The following ASXL2 variants were observed in gnomAD, a reference collection of about 807,000 sequenced individuals.
ASXL2 encodes ASXL transcriptional regulator 2.
A neutral mutation model predicts 122.0 loss-of-function variants in ASXL2; 23 were observed. The observed-to-expected ratio is 0.19, with a 90% CI of 0.14 to 0.27. The LOEUF (loss-of-function observed/expected upper bound fraction) is 0.27. ASXL2 is among the 10% of genes least tolerant of loss of function. ASXL2 has a pLI of 1.00. For synonymous variants in ASXL2, 650 were observed against 637.0 expected (o/e 1.02, Z -0.31); for missense variants, 1,518 against 1,713.8 (o/e 0.89, Z 2.02).
At chr2:25,812,455 A>C (rs906088174) in intron 3 of ASXL2, among the ~76,000 whole-genome samples, 2 of 152,098 alleles carry the variant, frequency 1.3e-5, no homozygotes, top group East Asian at 3.9e-4. Context: ...AGTGAAAATT[A>C]ATCTCCAAAT....
chr2:25,756,948 A>C (rs947562446), intron 9 of ASXL2, among the ~76,000 whole-genome samples: 7 of 152,236 alleles, frequency 4.6e-5, no homozygotes, highest in African/African-American at 1.7e-4. Flanking sequence ...TGAGTATTAC[A>C]GTGATAAGCA....
chr2:25,829,260 A>G (rs896667727), intron 3 of ASXL2, among the ~76,000 whole-genome samples: 1 of 151,600 alleles, frequency 6.6e-6, no homozygotes, highest in African/African-American at 2.4e-5. Flanking sequence ...AGACAGAGAC[A>G]GAAACACAGA....
Position 25,869,087 on chromosome 2 carries a change from C to T in ASXL2, c.57+9079G>A, listed in dbSNP as rs374009453. On this transcript the variant is annotated intron_variant, in intron 1 of 12. Transcript: ENST00000435504. ...GGCTGAGGCAGGAGAATCGCTTGAACCTTGGAGGTGGAGGTTGCAGTAAGC... is the reference window on the plus strand; with the variant it reads ...GGCTGAGGCAGGAGAATCGCTTGAATCTTGGAGGTGGAGGTTGCAGTAAGC... Among the ~76,000 whole-genome samples, 167 of 151,410 alleles carry T rather than the reference C, an allele frequency of 1.1e-3. 2 individuals carry two copies. In the South Asian group the frequency reaches 0.024, roughly 22 times the overall value.
rs1017973826 is a variant in ASXL2 at position 25,855,053 on chromosome 2, C to T, written c.58-9490G>A. ...TGCCGCTCACACACTGCCAGCATGCCACCTTCGCTCATGCTGCTCTGTATA... is the reference window on the plus strand; with the variant it reads ...TGCCGCTCACACACTGCCAGCATGCTACCTTCGCTCATGCTGCTCTGTATA... On this transcript the variant is annotated intron_variant, in intron 1 of 12. Coordinates refer to ENST00000435504, the MANE Select transcript of ASXL2 (RefSeq NM_018263.6). 6.6e-5 allele frequency among the ~76,000 whole-genome samples: 10 copies of T among 152,320 alleles called. No individual in the cohort carries two copies. In the South Asian group the frequency reaches 1.2e-3, roughly 19 times the overall value.
chr2:25,796,805 C>G (rs2088917436), intron 5 of ASXL2, among the ~76,000 whole-genome samples: 1 of 152,134 alleles, frequency 6.6e-6, no homozygotes, highest in African/African-American at 2.4e-5. Flanking sequence ...AGAATGTTGT[C>G]TGGTGTGGTA....
intron 5 of ASXL2, among the ~76,000 whole-genome samples, chr2:25,795,263 TATA>T (rs2088895559): frequency 6.6e-6 from 1 of 152,316 alleles, no homozygotes; most frequent in Non-Finnish European, 1.5e-5. Flanking sequence ...TAATCAATAT[TATA>T]ATAATTTCTA....
At chr2:25,758,222 T>C (rs1336301917) in intron 9 of ASXL2, among the ~76,000 whole-genome samples, 3 of 152,242 alleles carry the variant, frequency 2.0e-5, no homozygotes, top group South Asian at 4.1e-4. Context: ...AAAGATTATT[T>C]TCAGAATTAG....
At position 25,878,261 on chromosome 2, in the gene ASXL2, G is replaced by C. The variant is rs745938212; in HGVS notation, c.-39C>G. The C allele has an allele frequency of 6.2e-7, 1 of 1,609,238 alleles. No homozygotes were observed. The highest frequency in any genetic ancestry group is 8.5e-7 in the Non-Finnish European group (1 of 1,176,212). ...CTGACTGGGAGGCTCCCGTGTCCGG[G>C]CTCCGGCCGCCCTCCCTGCCTGCTC... On this transcript the variant is annotated 5_prime_UTR_variant, in exon 1 of 13. Transcript: ENST00000435504.
intron 1 of ASXL2, among the ~76,000 whole-genome samples, chr2:25,850,933 G>GT (rs1480079203): frequency 7.2e-5 from 11 of 152,212 alleles, no homozygotes; most frequent in African/African-American, 2.7e-4. Context: ...GAGGTCAGGA[G>GT]TTTGAGACCA....
At chr2:25,854,531 A>G (rs904492669) in intron 1 of ASXL2, among the ~76,000 whole-genome samples, 2 of 152,264 alleles carry the variant, frequency 1.3e-5, no homozygotes, top group Non-Finnish European at 2.9e-5. Flanking sequence ...GAACCCTGTT[A>G]TAATTCCTCA....
intron 1 of ASXL2, among the ~76,000 whole-genome samples, chr2:25,872,164 G>A (rs1021182335): frequency 3.3e-5 from 5 of 152,126 alleles, no homozygotes; most frequent in Admixed American, 6.6e-5. Context: ...GGTCCATTGC[G>A]AGAGCCCAAG....
At chr2:25,830,694 T>G (rs183284396) in intron 3 of ASXL2, 2 of 150,236 alleles carry the variant, frequency 1.3e-5, no homozygotes, top group African/African-American at 4.9e-5. Context: ...CTTCAAGAAC[T>G]ACTTAAAATT....
chr2:25,810,726 C>A, intron 3 of ASXL2: 1 of 614,570 alleles, frequency 1.6e-6, no homozygotes, highest in Non-Finnish European at 3.0e-6. Flanking sequence ...CTGCTTCTCA[C>A]CAGTGTATCA....
At chr2:25,866,134 C>CTTTTTTT (rs779728638) in intron 1 of ASXL2, among the ~76,000 whole-genome samples, 2 of 141,322 alleles carry the variant, frequency 1.4e-5, no homozygotes, top group Non-Finnish European at 3.1e-5. Flanking sequence ...TTTCTTTTTT[C>CTTTTTTT]TTTTTTTTTT....
intron 1 of ASXL2, among the ~76,000 whole-genome samples, chr2:25,859,698 C>T (rs1163088938): frequency 6.6e-6 from 1 of 152,158 alleles, no homozygotes; most frequent in Non-Finnish European, 1.5e-5. Context: ...GAATATTCAC[C>T]AAGATAGACT....
chr2:25,872,556 A>T (rs144779078), intron 1 of ASXL2, among the ~76,000 whole-genome samples: 32 of 152,354 alleles, frequency 2.1e-4, no homozygotes, highest in African/African-American at 7.7e-4. Flanking sequence ...TTAGGGGAAA[A>T]CAAAAGCACC....
At chr2:25,799,593 A>G in intron 4 of ASXL2, 58 bp from the exon 5 acceptor site, 2 of 1,529,776 alleles carry the variant, frequency 1.3e-6, no homozygotes, top group Non-Finnish European at 1.8e-6. Context: ...AACAGAAATT[A>G]AAACTTCTGA....
intron 3 of ASXL2, among the ~76,000 whole-genome samples, chr2:25,834,107 C>T (rs1208636402): frequency 2.0e-5 from 3 of 152,182 alleles, no homozygotes; most frequent in South Asian, 2.1e-4. Context: ...AATCCCAGCA[C>T]TTTGGGAGGC....
chr2:25,810,161 C>T (rs1287123060), intron 3 of ASXL2: 5 of 568,094 alleles, frequency 8.8e-6, no homozygotes, highest in African/African-American at 5.6e-5. Context: ...CACTCAGACA[C>T]TTCAGGTTAT....
Sources: gnomAD v4.1 joint callset for allele counts (sites outside exome capture counted in the v4.1 genomes callset) on GRCh38, gnomAD v4.1.1 for gene constraint, MANE v1.5 for transcripts, NCBI Gene and HGNC (gene_info 2026-07-23, HGNC 2026-07-21) for gene names.